Variants in BOC observed in about 807,000 individuals in gnomAD.
BOC encodes brother of CDO.
Under a neutral mutation model 112.0 loss-of-function variants are expected in BOC, and 76 were observed. The observed-to-expected ratio is 0.68, with a 90% confidence interval of 0.56 to 0.82. BOC has a LOEUF of 0.82. Among genes scored for constraint, BOC ranks in the 40% least tolerant of loss-of-function variants. The pLI, the probability that BOC is intolerant of heterozygous loss-of-function variation, is 0.00. For missense variants in BOC, 1,309 were observed against 1,511.7 expected, an observed-to-expected ratio of 0.87 and a Z score of 2.22; for synonymous variants, 580 against 599.8, an observed-to-expected ratio of 0.97 and a Z score of 0.48.
At chr3:113,227,803 T>G (rs1941911751) in intron 2 of BOC, among the ~76,000 whole-genome samples, 1 of 152,046 alleles carries the variant, frequency 6.6e-6, no homozygotes, top group Admixed American at 6.6e-5. Flanking sequence ...GCACAAAGAA[T>G]AGTATCATGA....
intron 2 of BOC, among the ~76,000 whole-genome samples, chr3:113,238,265 A>G (rs962851641): frequency 1.9e-4 from 29 of 152,324 alleles, no homozygotes; most frequent in African/African-American, 7.0e-4. Context: ...AGACAGAGGA[A>G]AGGTTGACTG....
Position 113,268,304 on chromosome 3 carries a change from C to G in BOC, c.382C>G (p.Gln128Glu), listed in dbSNP as rs150875611. ...VPATVTLANL[Q>E]DFKLDVQHVI... is the part of the protein sequence containing the mutation. ...ACCTTCCCTTCTCTTCACAGATCTCCAGGACTTCAAGTTAGATGTGCAGCA... is the reference window on the plus strand; with the variant it reads ...ACCTTCCCTTCTCTTCACAGATCTCGAGGACTTCAAGTTAGATGTGCAGCA... Residue 128 changes from glutamine (Q) to glutamate (E), a missense_variant, in exon 5 of 20, where the codon CAG becomes GAG. Transcript: ENST00000682979. 2.7e-5 allele frequency: 43 copies of G among 1,613,986 alleles called. No homozygotes were observed. The African/African-American group carries it at 5.5e-4, about 21-fold the overall frequency.
chr3:113,284,730 A>G (rs1212465351), intron 17 of BOC, 52 bp from the exon 18 acceptor site: 2 of 1,571,610 alleles, frequency 1.3e-6, no homozygotes, highest in African/African-American at 2.7e-5. Context: ...AAGACTGGAA[A>G]GTTACCTGGA....
chr3:113,264,234 T>C lies in BOC; in HGVS notation c.377-4065T>C, dbSNP rs148216678. On this transcript the variant is annotated intron_variant, in intron 4 of 19. Coordinates refer to ENST00000682979, the MANE Select transcript of BOC (RefSeq NM_001378074.1). ...CAAAAGTGGGTCTACTAGCGTTTGA[T>C]TAATGCGGACAAGTTAATGAAGTAG... 1.9e-4 allele frequency among the ~76,000 whole-genome samples: 29 copies of C among 152,292 alleles called. No homozygotes were observed. In the East Asian group the frequency reaches 5.6e-3, roughly 29 times the overall value.
intron 3 of BOC, 32 bp from the exon 4 acceptor site, chr3:113,250,513 TGGGGGCATCA>T (rs1945483182): frequency 6.4e-7 from 1 of 1,554,128 alleles, no homozygotes; most frequent in Admixed American, 1.9e-5. Context: ...GTTGTTTTCT[TGGGGGCATCA>T]GTTCATTGCT....
chr3:113,234,065 T>C (rs1943090140), intron 2 of BOC, among the ~76,000 whole-genome samples: 1 of 152,184 alleles, frequency 6.6e-6, no homozygotes, highest in African/African-American at 2.4e-5. Context: ...TTAGCAAACA[T>C]TCTTTGAGTA....
intron 4 of BOC, among the ~76,000 whole-genome samples, chr3:113,263,720 A>G (rs1235831915): frequency 6.6e-6 from 1 of 152,248 alleles, no homozygotes; most frequent in South Asian, 2.1e-4. Flanking sequence ...AATTTAATTC[A>G]TAGCTCTGCC....
chr3:113,259,037 T>C (rs1214007290), intron 4 of BOC, among the ~76,000 whole-genome samples: 1 of 152,212 alleles, frequency 6.6e-6, no homozygotes, highest in Non-Finnish European at 1.5e-5. Context: ...AATCTTCAAA[T>C]GGCATTGGCT....
chr3:113,214,348 C>T (rs1481419425), intron 1 of BOC, among the ~76,000 whole-genome samples: 1 of 152,130 alleles, frequency 6.6e-6, no homozygotes, highest in East Asian at 1.9e-4. Flanking sequence ...GAGATTTTAC[C>T]CATGAAATAA....
intron 1 of BOC, chr3:113,212,229 G>A (rs952076900): frequency 7.3e-5 from 11 of 151,656 alleles, no homozygotes; most frequent in Admixed American, 3.3e-4. Flanking sequence ...CCGGGCGCCG[G>A]GCGAAGAAGT....
intron 19 of BOC, among the ~76,000 whole-genome samples, chr3:113,286,117 T>G (rs145856532): frequency 3.1e-4 from 47 of 152,312 alleles, no homozygotes; most frequent in African/African-American, 1.1e-3. Context: ...GCTAGTCTCC[T>G]TAGAAATCAG....
intron 2 of BOC, among the ~76,000 whole-genome samples, chr3:113,237,447 T>C (rs929264053): frequency 6.6e-6 from 1 of 152,144 alleles, no homozygotes; most frequent in Non-Finnish European, 1.5e-5. Flanking sequence ...AGGGCCATGG[T>C]GATGGTGGCA....
intron 4 of BOC, among the ~76,000 whole-genome samples, chr3:113,265,746 CA>C (rs2107598183): frequency 6.6e-6 from 1 of 152,268 alleles, no homozygotes; most frequent in East Asian, 1.9e-4. Context: ...GGACCAAATG[CA>C]AAATGAAAAT....
intron 4 of BOC, among the ~76,000 whole-genome samples, chr3:113,255,825 AG>A (rs1946170205): frequency 6.6e-6 from 1 of 152,248 alleles, no homozygotes; most frequent in South Asian, 2.1e-4. Context: ...CAAAGTGACC[AG>A]GGGCCCTTTG....
At chr3:113,264,813 C>T (rs979903722) in intron 4 of BOC, among the ~76,000 whole-genome samples, 3 of 152,092 alleles carry the variant, frequency 2.0e-5, no homozygotes, top group African/African-American at 7.2e-5. Flanking sequence ...GCTTAGGAGG[C>T]ACGGGGGGAG....
Position 113,249,736 on chromosome 3 carries a change from C to A in BOC, c.-67C>A. 2.3e-6 allele frequency: 3 copies of A among 1,319,526 alleles called. No homozygotes were observed. The highest frequency in any genetic ancestry group is 1.3e-5 in the South Asian group (1 of 77,532). 81.7% of individuals were successfully genotyped at this position (1,319,526 alleles called of 1,614,324 possible). A position where few individuals can be genotyped will look rare whatever the true frequency, so the allele number is the denominator to read the frequency against. On this transcript the variant is annotated 5_prime_UTR_variant, in exon 3 of 20. Transcript: ENST00000682979. ...TCTTACAACAGAGTGTTGCCAGGGA[C>A]GGCAGTATCTCTTTGTGTGACCCTG...
At chr3:113,238,798 G>T (rs1943907359) in intron 2 of BOC, among the ~76,000 whole-genome samples, 1 of 152,218 alleles carries the variant, frequency 6.6e-6, no homozygotes, top group South Asian at 2.1e-4. Flanking sequence ...CAGGGCTACT[G>T]TGAGAATATA....
intron 2 of BOC, among the ~76,000 whole-genome samples, chr3:113,230,503 A>G (rs1409255850): frequency 6.6e-6 from 1 of 152,232 alleles, no homozygotes; most frequent in Non-Finnish European, 1.5e-5. Context: ...CCTTTACTTA[A>G]GCAAGTTCCT....
chr3:113,274,775 C>A lies in BOC; in HGVS notation c.1542+93C>A. 1 of 1,314,138 alleles carries A rather than the reference C, an allele frequency of 7.6e-7. No homozygotes were observed. The highest frequency in any genetic ancestry group is 1.0e-6 in the Non-Finnish European group (1 of 967,194). 81.4% of individuals were successfully genotyped at this position (1,314,138 alleles called of 1,614,324 possible). On this transcript the variant is annotated intron_variant, in intron 9 of 19. Transcript: ENST00000682979. The surrounding 1 kb of genome is among the most constrained non-coding windows in gnomAD (Gnocchi z 4.8). ...TGTCTCTTGGCCATCTCCCCTTGAG[C>A]TCCTGAAGCCTGAGCCGGTAATCCC...
Sources: gnomAD v4.1 joint callset for allele counts (sites outside exome capture counted in the v4.1 genomes callset) on GRCh38, gnomAD v4.1.1 for gene constraint, Gnocchi (gnomAD v3.1) non-coding constraint, MANE v1.5 for transcripts, NCBI Gene and HGNC (gene_info 2026-07-23, HGNC 2026-07-21) for gene names.